The following PDGFRL variants were observed in gnomAD, a reference collection of about 807,000 sequenced individuals.
PDGFRL encodes the protein platelet derived growth factor receptor like.
Under a neutral mutation model 37.2 loss-of-function variants are expected in PDGFRL, and 46 were observed. The observed-to-expected ratio is 1.24, with a 90% CI of 0.98 to 1.58. The LOEUF is 1.58. Ranked by LOEUF, PDGFRL falls within the 40% of genes most tolerant of loss-of-function variation. PDGFRL has a pLI of 0.00. For missense variants in PDGFRL, 692 were observed against 467.6 expected (o/e 1.48, Z -4.43); for synonymous variants, 251 against 184.3 (o/e 1.36, Z -2.93).
chr8:17,616,892 C>G (rs1804540915), intron 2 of PDGFRL, among the ~76,000 whole-genome samples: 1 of 152,172 alleles, frequency 6.6e-6, no homozygotes, highest in Non-Finnish European at 1.5e-5. Flanking sequence ...AGAGTCTTCA[C>G]CGGGGCAGAC....
intron 1 of PDGFRL, among the ~76,000 whole-genome samples, chr8:17,580,238 T>G (rs754593802): frequency 3.3e-5 from 5 of 152,156 alleles, no homozygotes; most frequent in Non-Finnish European, 4.4e-5. Flanking sequence ...TATAGCCAGA[T>G]CTCTAAGAAG....
intron 2 of PDGFRL, among the ~76,000 whole-genome samples, chr8:17,604,573 C>T (rs868518982): frequency 3.3e-5 from 5 of 150,212 alleles, no homozygotes; most frequent in East Asian, 2.0e-4. Context: ...CTTCACATAC[C>T]GGGGACTGTT....
intron 2 of PDGFRL, among the ~76,000 whole-genome samples, chr8:17,605,982 C>T (rs1387135229): frequency 6.6e-6 from 1 of 152,134 alleles, no homozygotes; most frequent in Non-Finnish European, 1.5e-5. Flanking sequence ...GGAGGGTGGG[C>T]CGATGGAGCA....
At position 17,628,545 on chromosome 8, in the gene PDGFRL, G is replaced by T; in HGVS notation, c.564G>T (p.Pro188=). 1 of 1,613,820 alleles carries T rather than the reference G, an allele frequency of 6.2e-7. No homozygotes were observed. Among genetic ancestry groups the T allele is most frequent in the East Asian group, 2.2e-5 (1 of 44,866 alleles). The change falls in exon 4 of 6, where the codon CCG becomes CCT. Residue 188 remains proline, a synonymous_variant. Transcript: ENST00000251630. ...ACTTCGATGTTGTCTACTTGAACCC[G>T]GACAGACAGGCTGTGGTTCCTTGTC... The part of the protein sequence containing the change: ...PSYFDVVYLN[P]DRQAVVPCRV...
intron 2 of PDGFRL, among the ~76,000 whole-genome samples, chr8:17,605,800 A>AT (rs1183735918): frequency 6.6e-6 from 1 of 152,144 alleles, no homozygotes; most frequent in African/African-American, 2.4e-5. Flanking sequence ...GGATGTTAGC[A>AT]TTTTTTCAGT....
chr8:17,579,022 A>AC (rs1803648925), intron 1 of PDGFRL, among the ~76,000 whole-genome samples: 1 of 152,088 alleles, frequency 6.6e-6, no homozygotes, highest in African/African-American at 2.4e-5. Flanking sequence ...AGATGGTGAA[A>AC]CCCCGTCTCT....
chr8:17,593,236 A>C, intron 2 of PDGFRL, among the ~76,000 whole-genome samples: 1 of 151,858 alleles, frequency 6.6e-6, no homozygotes, highest in East Asian at 1.9e-4. Flanking sequence ...GAAATCTGGA[A>C]AGGCTTACCA....
intron 2 of PDGFRL, among the ~76,000 whole-genome samples, chr8:17,598,074 T>C (rs576273294): frequency 3.9e-5 from 6 of 152,362 alleles, no homozygotes; most frequent in African/African-American, 1.4e-4. Context: ...GATCTCATGG[T>C]TCATATGTGT....
intron 1 of PDGFRL, among the ~76,000 whole-genome samples, chr8:17,587,829 C>T (rs1803848777): frequency 6.6e-6 from 1 of 152,130 alleles, no homozygotes; most frequent in South Asian, 2.1e-4. Context: ...GGGGTTTCGC[C>T]ATGTTGCCCA....
chr8:17,638,375 G>C (rs1321852835), intron 5 of PDGFRL, among the ~76,000 whole-genome samples: 1 of 151,966 alleles, frequency 6.6e-6, no homozygotes, highest in Admixed American at 6.6e-5. Flanking sequence ...TTGGAATTGA[G>C]TTCCAATTTT....
intron 2 of PDGFRL, among the ~76,000 whole-genome samples, chr8:17,615,727 C>T (rs1478568164): frequency 7.2e-5 from 11 of 151,930 alleles, no homozygotes; most frequent in African/African-American, 1.5e-4. Context: ...CTAGCCTGGG[C>T]GACGCAGCAA....
In PDGFRL at chr8:17,642,720, G is replaced by A. The variant is rs140040139; in HGVS notation, c.1047G>A (p.Thr349=). 87 of 1,605,778 alleles carry A rather than the reference G, an allele frequency of 5.4e-5. No individual in the cohort carries two copies. The African/African-American group carries it at 1.1e-3, about 21-fold the overall frequency. The change falls in exon 6 of 6, where the codon ACG becomes ACA. Residue 349 remains threonine, a synonymous_variant. Transcript: ENST00000251630. The stretch of plus-strand genomic sequence containing the variant: ...TCATTACAGTGGAAGACTTTGAGAC[G>A]ATTGATGCAGGATATTACATTTGCA... ...QSVITVEDFE[T]IDAGYYICTA...
chr8:17,606,623 T>C (rs1011658889), intron 2 of PDGFRL, among the ~76,000 whole-genome samples: 7 of 152,162 alleles, frequency 4.6e-5, no homozygotes, highest in Admixed American at 2.0e-4. Context: ...GGCTGCAGGA[T>C]ACAAGACTTC....
chr8:17,590,507 T>A (rs976454446), intron 2 of PDGFRL, among the ~76,000 whole-genome samples: 21 of 151,582 alleles, frequency 1.4e-4, no homozygotes, highest in African/African-American at 4.8e-4. Flanking sequence ...AGGCCAGGAG[T>A]TGGAGATTAG....
At chr8:17,581,546 A>T (rs1002896012) in intron 1 of PDGFRL, among the ~76,000 whole-genome samples, 2 of 152,118 alleles carry the variant, frequency 1.3e-5, no homozygotes, top group African/African-American at 4.8e-5. Context: ...GTAGGGCCTC[A>T]TGGGAGGTGT....
At chr8:17,626,236 G>C (rs1046251017) in intron 3 of PDGFRL, among the ~76,000 whole-genome samples, 5 of 152,116 alleles carry the variant, frequency 3.3e-5, no homozygotes, top group African/African-American at 1.2e-4. Flanking sequence ...ATAAAATAAT[G>C]CCTTTGAGGC....
At chr8:17,598,792 C>T (rs1804105221) in intron 2 of PDGFRL, among the ~76,000 whole-genome samples, 1 of 152,052 alleles carries the variant, frequency 6.6e-6, no homozygotes, top group Non-Finnish European at 1.5e-5. Flanking sequence ...AGGGCAGTTC[C>T]CCCATACTGT....
chr8:17,588,608 G>A (rs1803867665), intron 1 of PDGFRL, among the ~76,000 whole-genome samples: 1 of 152,186 alleles, frequency 6.6e-6, no homozygotes, highest in Non-Finnish European at 1.5e-5. Context: ...AGGAGTTCAA[G>A]GCTACAGTGA....
At chr8:17,611,078 G>A (rs1312979698) in intron 2 of PDGFRL, among the ~76,000 whole-genome samples, 1 of 152,186 alleles carries the variant, frequency 6.6e-6, no homozygotes, top group African/African-American at 2.4e-5. Context: ...TTTGCGGTAC[G>A]CAGTGGGAGG....
Sources: gnomAD v4.1 joint callset for allele counts (sites outside exome capture counted in the v4.1 genomes callset) on GRCh38, gnomAD v4.1.1 for gene constraint, MANE v1.5 for transcripts, NCBI Gene and HGNC (gene_info 2026-07-23, HGNC 2026-07-21) for gene names.